The following MLLT3 variants were observed in gnomAD, a reference collection of about 807,000 sequenced individuals.
MLLT3 encodes MLLT3 super elongation complex subunit, also known as protein AF-9.
Under a neutral mutation model 53.2 loss-of-function variants are expected in MLLT3, and 4 were observed. That is an observed-to-expected ratio of 0.08 (90% CI 0.04 to 0.17). The LOEUF is 0.17. MLLT3 is among the 10% of genes least tolerant of loss of function. The probability of loss-of-function intolerance (pLI) is 1.00; values close to 1 mark genes in which losing one functional copy is unlikely to be tolerated. For synonymous variants in MLLT3, 283 were observed against 230.6 expected (o/e 1.23, Z -2.06); for missense variants, 569 against 684.0 (o/e 0.83, Z 1.87).
chr9:20,358,766 C>T (rs1008248471), intron 8 of MLLT3, among the ~76,000 whole-genome samples: 1 of 152,160 alleles, frequency 6.6e-6, no homozygotes, highest in Non-Finnish European at 1.5e-5. Flanking sequence ...GCCCTACACT[C>T]CTGGCCCTGC....
At chr9:20,534,256 A>C (rs1818420692) in intron 2 of MLLT3, among the ~76,000 whole-genome samples, 1 of 152,234 alleles carries the variant, frequency 6.6e-6, no homozygotes, top group African/African-American at 2.4e-5. Flanking sequence ...CCCAACTTTT[A>C]AAAAGCAAGT....
At chr9:20,594,066 A>T (rs188626095) in intron 2 of MLLT3, among the ~76,000 whole-genome samples, 21 of 150,764 alleles carry the variant, frequency 1.4e-4, no homozygotes, top group African/African-American at 5.1e-4. Flanking sequence ...TCAGCCTCCC[A>T]ATTAGCTGGG....
At chr9:20,408,966 A>C (rs550702374) in intron 5 of MLLT3, among the ~76,000 whole-genome samples, 19 of 152,258 alleles carry the variant, frequency 1.2e-4, no homozygotes, top group African/African-American at 4.3e-4. Context: ...CTTGGGAAAA[A>C]TGCTGCCAAC....
intron 2 of MLLT3, among the ~76,000 whole-genome samples, chr9:20,595,840 C>T (rs1820247771): frequency 1.3e-5 from 2 of 152,214 alleles, no homozygotes; most frequent in Non-Finnish European, 2.9e-5. Flanking sequence ...CTGAATCCCA[C>T]TGTAAAAAGA....
intron 2 of MLLT3, among the ~76,000 whole-genome samples, chr9:20,576,430 A>G (rs560086362): frequency 6.6e-6 from 1 of 152,320 alleles, no homozygotes; most frequent in South Asian, 2.1e-4. Context: ...GGTTTTGGCC[A>G]TCTTGGCTTT....
chr9:20,563,388 T>A (rs1819268212), intron 2 of MLLT3, among the ~76,000 whole-genome samples: 1 of 152,106 alleles, frequency 6.6e-6, no homozygotes, highest in South Asian at 2.1e-4. Flanking sequence ...AGGTCCCTGC[T>A]GGGTAGGGAG....
intron 4 of MLLT3, among the ~76,000 whole-genome samples, chr9:20,416,655 G>A (rs1822879194): frequency 6.6e-6 from 1 of 151,986 alleles, no homozygotes; most frequent in East Asian, 1.9e-4. Context: ...GTTGGTCTGG[G>A]TATTGAATGT....
chr9:20,404,112 C>T lies in MLLT3; in HGVS notation c.1125+9609G>A, dbSNP rs190946724. On this transcript the variant is annotated intron_variant, in intron 5 of 10. Transcript: ENST00000380338. The stretch of plus-strand genomic sequence containing the variant: ...CCGGGACTACAGGTGTGAACCACCG[C>T]GCCCAGTCAGATACTAAACATTTTA... 7.9e-5 allele frequency among the ~76,000 whole-genome samples: 12 copies of T among 152,150 alleles called. No homozygotes were observed. The East Asian group carries it at 9.6e-4, about 12-fold the overall frequency.
rs756057020 is a variant in MLLT3, at chr9:20,620,706, A to G, written c.141T>C (p.Phe47=). 7.4e-6 allele frequency: 12 copies of G among 1,614,020 alleles called. No homozygotes were observed. Among genetic ancestry groups the G allele is most frequent in the South Asian group, 6.6e-5 (6 of 91,090 alleles). The part of the protein sequence containing the change: ...RGPEHSNIQH[F]VEKVVFHLHE... ...GCAAGTGGAAGACGACTTTCTCCAC[A>G]AAGTGCTGTATGTTACTGTGCTCCG... is the stretch of plus-strand genomic sequence containing the variant. The change falls in exon 2 of 11, where the codon TTT becomes TTC. Residue 47 remains phenylalanine, a synonymous_variant. Transcript: ENST00000380338. This position sits in a 1 kb window ranked among gnomAD's most constrained non-coding sequence, Gnocchi z 6.1.
chr9:20,465,298 C>T (rs896175113), intron 2 of MLLT3, among the ~76,000 whole-genome samples: 19 of 152,200 alleles, frequency 1.2e-4, no homozygotes, highest in Non-Finnish European at 1.5e-4. Context: ...TTTTCTCAAA[C>T]GTATATTCAC....
intron 2 of MLLT3, among the ~76,000 whole-genome samples, chr9:20,591,045 T>C (rs770360612): frequency 2.0e-5 from 3 of 152,164 alleles, no homozygotes; most frequent in African/African-American, 4.8e-5. Flanking sequence ...CCACTGTACC[T>C]AGCCTTGACA....
chr9:20,472,557 C>T (rs1240460825), intron 2 of MLLT3, among the ~76,000 whole-genome samples: 3 of 151,958 alleles, frequency 2.0e-5, no homozygotes, highest in Non-Finnish European at 2.9e-5. Flanking sequence ...AGTGAAGGTG[C>T]CAAGTCTTTA....
At chr9:20,488,142 A>T (rs190121661) in intron 2 of MLLT3, among the ~76,000 whole-genome samples, 1 of 152,116 alleles carries the variant, frequency 6.6e-6, no homozygotes, top group Non-Finnish European at 1.5e-5. Context: ...TTACAGAAAC[A>T]AATTAATTAA....
intron 2 of MLLT3, among the ~76,000 whole-genome samples, chr9:20,495,808 T>G (rs1420626626): frequency 3.9e-5 from 6 of 152,176 alleles, no homozygotes; most frequent in Non-Finnish European, 8.8e-5. Flanking sequence ...TTGACCAATT[T>G]GAGGAAGCAT....
In MLLT3 at chr9:20,607,838, T is replaced by A. The variant is rs544675835; in HGVS notation, c.193+12816A>T. Among the ~76,000 whole-genome samples the A allele has an allele frequency of 7.9e-5, 12 of 152,130 alleles. No homozygotes were observed. In the South Asian group the frequency reaches 1.9e-3, roughly 24 times the overall value. ...GAGAGACCCTTGAGACAACTAAAAT[T>A]AACCTCCTCATTTTGCGGAAATCAT... On this transcript the variant is annotated intron_variant, in intron 2 of 10. Coordinates refer to ENST00000380338, the MANE Select transcript of MLLT3 (RefSeq NM_004529.4).
intron 2 of MLLT3, among the ~76,000 whole-genome samples, chr9:20,551,775 A>G (rs1441814607): frequency 1.3e-5 from 2 of 152,236 alleles, no homozygotes; most frequent in South Asian, 4.1e-4. Context: ...CCCAAAACAT[A>G]AAATCTATGA....
chr9:20,491,616 T>C (rs990484090), intron 2 of MLLT3, among the ~76,000 whole-genome samples: 2 of 152,130 alleles, frequency 1.3e-5, no homozygotes, highest in African/African-American at 4.8e-5. Flanking sequence ...TAAAAAGAAT[T>C]TGAGTTTCTG....
chr9:20,398,885 G>A (rs761324674), intron 5 of MLLT3, among the ~76,000 whole-genome samples: 37 of 151,912 alleles, frequency 2.4e-4, no homozygotes, highest in Non-Finnish European at 3.8e-4. Flanking sequence ...ACCCTTCACG[G>A]TGAAATCAGC....
At chr9:20,507,270 A>T (rs927947073) in intron 2 of MLLT3, among the ~76,000 whole-genome samples, 3 of 152,164 alleles carry the variant, frequency 2.0e-5, no homozygotes, top group African/African-American at 7.2e-5. Context: ...AAATTCATAT[A>T]ATCTGTTAAT....
Sources: gnomAD v4.1 joint callset for allele counts (sites outside exome capture counted in the v4.1 genomes callset) on GRCh38, gnomAD v4.1.1 for gene constraint, Gnocchi (gnomAD v3.1) non-coding constraint, MANE v1.5 for transcripts, NCBI Gene and HGNC (gene_info 2026-07-23, HGNC 2026-07-21) for gene names.